The following GABRA4 variants were observed in gnomAD, a reference collection of about 807,000 sequenced individuals.
The protein encoded by GABRA4 is gamma-aminobutyric acid receptor subunit alpha-4.
Under a neutral mutation model 49.7 loss-of-function variants are expected in GABRA4, and 12 were observed. The observed-to-expected ratio is 0.24, with a 90% CI of 0.15 to 0.39. GABRA4 has a LOEUF of 0.39. Ranked by LOEUF, GABRA4 falls within the 10% of genes least tolerant of loss-of-function variation. The pLI, the probability that GABRA4 is intolerant of heterozygous loss-of-function variation, is 1.00. For missense variants in GABRA4, 506 were observed against 686.0 expected (o/e 0.74, Z 2.93); for synonymous variants, 288 against 240.2 (o/e 1.20, Z -1.84).
intron 8 of GABRA4, among the ~76,000 whole-genome samples, chr4:46,948,298 C>G (rs958578253): frequency 1.3e-5 from 2 of 151,924 alleles, no homozygotes; most frequent in African/African-American, 2.4e-5. Flanking sequence ...CTTTGGAAAC[C>G]TATTAAACTT....
In GABRA4 at chr4:46,928,169, T is replaced by A; in HGVS notation, c.*56A>T. The A allele has an allele frequency of 7.3e-7, 1 of 1,376,868 alleles. No individual in the cohort carries two copies. The highest frequency in any genetic ancestry group is 2.3e-5 in the Admixed American group (1 of 43,796). 85.3% of individuals were successfully genotyped at this position (1,376,868 alleles called of 1,614,324 possible). On this transcript the variant is annotated 3_prime_UTR_variant, in exon 9 of 9. Transcript: ENST00000264318. ...AATATTTGTTTATATTTAAAAACAT[T>A]TAAAAAGACATTCTGCATTTTCATC...
intron 7 of GABRA4, among the ~76,000 whole-genome samples, chr4:46,966,385 C>T (rs1435125627): frequency 1.3e-5 from 2 of 151,656 alleles, no homozygotes; most frequent in East Asian, 3.9e-4. Flanking sequence ...AATGCATGTT[C>T]AACCAAAGAA....
At chr4:46,974,104 A>G (rs1282095229) in intron 6 of GABRA4, 128 bp downstream of exon 6, 19 of 821,444 alleles carry the variant, frequency 2.3e-5, no homozygotes, top group Admixed American at 1.3e-4. Flanking sequence ...TAACTCATGC[A>G]TCAACTCTAT....
In GABRA4 at chr4:46,993,388, A is replaced by G; in HGVS notation, c.37T>C (p.Ser13Pro). The change falls in exon 1 of 9, where the codon TCC (serine) becomes CCC (proline). Residue 13 changes from serine (S) to proline (P), a missense_variant. Ser to Pro is a moderately conservative substitution (Grantham distance 74). Transcript: ENST00000264318. ...AGGAGGGCGAAACTGACCCCGGCGG[A>G]CAGAGCGATCGCGGGTACCTTCTTG... ...SAKKVPAIAL[S>P]AGVSFALLRF... 2 of 1,614,216 alleles carry G rather than the reference A, an allele frequency of 1.2e-6. No homozygotes were observed. Among genetic ancestry groups the G allele is most frequent in the Non-Finnish European group, 1.7e-6 (2 of 1,180,032 alleles).
At chr4:46,929,922 G>C (rs184383940) in intron 8 of GABRA4, among the ~76,000 whole-genome samples, 258 of 152,144 alleles carry the variant, frequency 1.7e-3, no homozygotes, top group Non-Finnish European at 3.2e-3. Flanking sequence ...GCAATTCACA[G>C]ATACTAATAA....
At chr4:46,977,991 T>C (rs1723206545) in intron 3 of GABRA4, among the ~76,000 whole-genome samples, 2 of 152,096 alleles carry the variant, frequency 1.3e-5, no homozygotes, top group South Asian at 4.1e-4. Context: ...AAAAATATCA[T>C]GCACAATTAA....
At chr4:46,983,551 A>T (rs1034703518) in intron 2 of GABRA4, among the ~76,000 whole-genome samples, 2 of 152,112 alleles carry the variant, frequency 1.3e-5, no homozygotes, top group Admixed American at 6.6e-5. Flanking sequence ...TAAACTAAAA[A>T]TATTCCCCAT....
At chr4:46,952,737 GA>G (rs535315922) in intron 8 of GABRA4, among the ~76,000 whole-genome samples, 3 of 152,060 alleles carry the variant, frequency 2.0e-5, no homozygotes, top group Admixed American at 6.6e-5. Flanking sequence ...ACTAAATGTT[GA>G]GGAAAGTTGT....
intron 8 of GABRA4, among the ~76,000 whole-genome samples, chr4:46,938,251 A>G (rs1721666361): frequency 6.6e-6 from 1 of 152,094 alleles, no homozygotes; most frequent in Non-Finnish European, 1.5e-5. Context: ...TCAAACTCAG[A>G]CAATATTTGC....
chr4:46,944,742 C>T (rs1721924163), intron 8 of GABRA4, among the ~76,000 whole-genome samples: 1 of 152,004 alleles, frequency 6.6e-6, no homozygotes, highest in Admixed American at 6.6e-5. Flanking sequence ...ACCCCACCAC[C>T]CTCATCAAAT....
chr4:46,970,205 A>G (rs1722901825), intron 7 of GABRA4, among the ~76,000 whole-genome samples: 1 of 151,388 alleles, frequency 6.6e-6, no homozygotes, highest in Admixed American at 6.6e-5. Flanking sequence ...CTCTTCAGCT[A>G]TTGTGTGATA....
chr4:46,960,161 T>C (rs1337834443), intron 8 of GABRA4, among the ~76,000 whole-genome samples: 1 of 151,312 alleles, frequency 6.6e-6, no homozygotes, highest in African/African-American at 2.4e-5. Flanking sequence ...TCAAATAGAA[T>C]TTGAGGAAAA....
chr4:46,943,186 C>A (rs1182430140), intron 8 of GABRA4, among the ~76,000 whole-genome samples: 1 of 152,036 alleles, frequency 6.6e-6, no homozygotes, highest in Non-Finnish European at 1.5e-5. Flanking sequence ...ATCTAATAAA[C>A]TTGATATATT....
At chr4:46,931,359 G>A (rs1453517183) in intron 8 of GABRA4, among the ~76,000 whole-genome samples, 1 of 152,038 alleles carries the variant, frequency 6.6e-6, no homozygotes, top group Admixed American at 6.6e-5. Flanking sequence ...AATTTTAAGA[G>A]CAAGAGTAGG....
intron 5 of GABRA4, among the ~76,000 whole-genome samples, chr4:46,976,748 G>T (rs1577787550): frequency 1.3e-5 from 2 of 151,514 alleles, no homozygotes; most frequent in African/African-American, 4.8e-5. Flanking sequence ...TATATAATTT[G>T]TACTTTCTGT....
At chr4:46,939,735 C>T (rs1721728261) in intron 8 of GABRA4, among the ~76,000 whole-genome samples, 3 of 151,792 alleles carry the variant, frequency 2.0e-5, no homozygotes, top group African/African-American at 7.3e-5. Flanking sequence ...ACATAGTTTC[C>T]ATTATAAGCT....
chr4:46,943,089 A>G (rs1012360126), intron 8 of GABRA4, among the ~76,000 whole-genome samples: 2 of 152,068 alleles, frequency 1.3e-5, no homozygotes, highest in African/African-American at 4.8e-5. Context: ...GTAATAGGAG[A>G]GTAGAGACCA....
Position 46,921,218 on chromosome 4 carries a change from G to A in GABRA4, c.*7007C>T, listed in dbSNP as rs989512062. The A allele has an allele frequency of 1.3e-5, 2 of 150,782 alleles. No homozygotes were observed. Among genetic ancestry groups the A allele is most frequent in the Non-Finnish European group, 3.0e-5 (2 of 67,654 alleles). 9.3% of individuals were successfully genotyped at this position (150,782 alleles called of 1,614,324 possible). A position where few individuals can be genotyped will look rare whatever the true frequency, so the allele number is the denominator to read the frequency against. ...TTAAAAATTTTCCATTAAATGTATC[G>A]TTATCCAAAAAGAAATTAAAAACGT... On this transcript the variant is annotated 3_prime_UTR_variant, in exon 9 of 9. Coordinates refer to ENST00000264318, the MANE Select transcript of GABRA4 (RefSeq NM_000809.4).
chr4:46,991,530 C>G (rs374314430), intron 2 of GABRA4, among the ~76,000 whole-genome samples: 13 of 152,296 alleles, frequency 8.5e-5, no homozygotes, highest in African/African-American at 3.1e-4. Flanking sequence ...CTTACTTTCT[C>G]CATTCTCCCA....
Sources: allele counts gnomAD v4.1 joint callset (sites outside exome capture counted in the v4.1 genomes callset), GRCh38; gene constraint gnomAD v4.1.1; transcripts MANE v1.5; gene names NCBI Gene and HGNC (gene_info 2026-07-23, HGNC 2026-07-21).